The following ITGAL variants were observed in gnomAD, a reference collection of about 807,000 sequenced individuals.
The protein encoded by ITGAL is integrin alpha-L.
ITGAL carries 68 observed loss-of-function variants against 138.4 expected under a neutral mutation model. That is an observed-to-expected ratio of 0.49 (90% confidence interval 0.40 to 0.60). ITGAL has a LOEUF of 0.60. ITGAL is among the 20% of genes least tolerant of loss of function. ITGAL has a pLI of 0.00. For synonymous variants in ITGAL, 561 were observed against 584.3 expected (o/e 0.96, Z 0.57); for missense variants, 1,256 against 1,478.6 (o/e 0.85, Z 2.47).
rs57608894 is a variant in ITGAL, at chr16:30,481,345, TAAAAAAAAAAAAAA to T, written c.577-85_577-72del. 25 of 449,390 alleles carry T rather than the reference TAAAAAAAAAAAAAA, an allele frequency of 5.6e-5. No homozygotes were observed. In the African/African-American group the frequency reaches 8.3e-4, roughly 15 times the overall value. The allele number at this position is 449,390 out of a possible 1,614,324, so 27.8% of individuals were successfully genotyped here. ...TGGGCAACAAGAGCGAAACTCCATC[TAAAAAAAAAAAAAA>T]AAAAAAAAGAAGTAGAGTTTGGAAC... is the stretch of plus-strand genomic sequence containing the variant. On this transcript the variant is annotated intron_variant, in intron 6 of 30. Transcript: ENST00000356798.
rs2151147123 is a variant in ITGAL at position 30,483,887 on chromosome 16, C to T, written c.783C>T (p.Ile261=). ...CAGATGCCACCAAAGTGCTTATCAT[C>T]ATCACGGATGGGGAGGCCACTGACA... The part of the protein sequence containing the change: ...ARPDATKVLI[I]ITDGEATDSG... Residue 261 remains isoleucine (I), a synonymous_variant, in exon 8 of 31, where the codon ATC becomes ATT. Coordinates refer to ENST00000356798, the MANE Select transcript of ITGAL (RefSeq NM_002209.3). 3.1e-6 allele frequency: 5 copies of T among 1,614,116 alleles called. No individual in the cohort carries two copies. The East Asian group carries it at 8.9e-5, about 29-fold the overall frequency.
chr16:30,480,332 C>G (rs2151144740), intron 6 of ITGAL, among the ~76,000 whole-genome samples: 1 of 152,268 alleles, frequency 6.6e-6, no homozygotes, highest in East Asian at 1.9e-4. Flanking sequence ...CCACATAGAC[C>G]TATGGAAAGC....
intron 17 of ITGAL, among the ~76,000 whole-genome samples, chr16:30,499,733 A>ATGTGTATATATATATATATATATATT: frequency 3.5e-4 from 31 of 88,362 alleles, no homozygotes; most frequent in South Asian, 2.9e-3. Context: ...ATATATATAT[A>ATGTGTATATATATATATATATATATT]TTTTTTTTTT....
rs780099281 is a variant in ITGAL at position 30,479,116 on chromosome 16, C to T, written c.353C>T (p.Thr118Met). 9.9e-6 allele frequency: 16 copies of T among 1,613,922 alleles called. No homozygotes were observed. The highest frequency in any genetic ancestry group is 2.2e-5 in the East Asian group (1 of 44,880). ...ILACDPGLSR[T>M]CDQNTYLSGL... ...GCCTGTGACCCTGGGCTGTCTCGAA[C>T]GTGTGACCAGAACACCTATCTGAGT... Residue 118 changes from threonine (T) to methionine (M), a missense_variant, in exon 5 of 31, where the codon ACG becomes ATG. Around this residue, in one of 3 missense-constraint regions of ITGAL, gnomAD observed 212 missense variants for 217.4 expected, o/e 0.98. Coordinates refer to ENST00000356798, the MANE Select transcript of ITGAL (RefSeq NM_002209.3).
rs189457850 is a variant in ITGAL, at chr16:30,505,221, C to T, written c.2236-23C>T. ...CTCAGTTAATCTCTCCTCTCTCCAT[C>T]CTGCCCACTACCCCTCGCTCAGCAG... On this transcript the variant is annotated intron_variant, in intron 18 of 30. Coordinates refer to ENST00000356798, the MANE Select transcript of ITGAL (RefSeq NM_002209.3). 116 of 1,565,976 alleles carry T rather than the reference C, an allele frequency of 7.4e-5. 1 individual carries two copies. In the East Asian group the frequency reaches 1.3e-3, roughly 18 times the overall value.
intron 17 of ITGAL, among the ~76,000 whole-genome samples, chr16:30,500,306 G>A (rs1369430442): frequency 1.3e-5 from 2 of 150,660 alleles, no homozygotes; most frequent in African/African-American, 4.9e-5. Flanking sequence ...GGCTGGTCTC[G>A]AACTCCTGAC....
intron 21 of ITGAL, among the ~76,000 whole-genome samples, chr16:30,507,785 C>T (rs1348717692): frequency 1.3e-5 from 2 of 152,046 alleles, no homozygotes; most frequent in African/African-American, 2.4e-5. Flanking sequence ...GTGTGCCCGG[C>T]CAAATTTCCT....
chr16:30,512,761 C>T (rs2051108146), intron 24 of ITGAL, among the ~76,000 whole-genome samples: 1 of 151,936 alleles, frequency 6.6e-6, no homozygotes, highest in Admixed American at 6.6e-5. Context: ...AGTGCAGTTG[C>T]ACAATCTCGG....
At chr16:30,490,418 C>A (rs771019183) in intron 11 of ITGAL, among the ~76,000 whole-genome samples, 11 of 152,070 alleles carry the variant, frequency 7.2e-5, no homozygotes, top group African/African-American at 2.7e-4. Flanking sequence ...ATTATTCAAA[C>A]TGTGCAATCC....
Position 30,494,978 on chromosome 16 carries a change from T to C in ITGAL, c.1503+128T>C. On this transcript the variant is annotated intron_variant, in intron 13 of 30. Transcript: ENST00000356798. The surrounding 1 kb of genome is among the most constrained non-coding windows in gnomAD (Gnocchi z 4.2). ...AACTTTTAGAACGACAGAGAGGCAA[T>C]AGCAAATCCTCACTGGGGAAAGACT... The C allele has an allele frequency of 2.1e-6, 2 of 954,960 alleles. No homozygotes were observed. The highest frequency in any genetic ancestry group is 1.9e-5 in the South Asian group (1 of 52,504). The allele number at this position is 954,960 out of a possible 1,614,324, so 59.2% of individuals were successfully genotyped here.
At chr16:30,505,018 TAAA>T (rs5816509) in intron 18 of ITGAL, 538 of 248,924 alleles carry the variant, frequency 2.2e-3, no homozygotes, top group East Asian at 3.8e-3. Context: ...AAGACAGTCT[TAAA>T]AAAAAAAAAA....
At chr16:30,481,177 CA>C (rs2050552346) in intron 6 of ITGAL, 6 of 382,740 alleles carry the variant, frequency 1.6e-5, no homozygotes, top group African/African-American at 2.2e-5. Flanking sequence ...CACACACACA[CA>C]CACACCACAC....
intron 21 of ITGAL, among the ~76,000 whole-genome samples, chr16:30,507,744 C>T (rs543999223): frequency 6.6e-6 from 1 of 152,166 alleles, no homozygotes; most frequent in African/African-American, 2.4e-5. Flanking sequence ...ACCTCAGCCT[C>T]CCAAAGTGCT....
chr16:30,502,126 G>A (rs976310046), intron 17 of ITGAL, among the ~76,000 whole-genome samples: 4 of 152,166 alleles, frequency 2.6e-5, no homozygotes, highest in Non-Finnish European at 2.9e-5. Flanking sequence ...GGCCGGGCGC[G>A]GTGGCTCACG....
chr16:30,485,484 A>G (rs944511671), intron 9 of ITGAL, among the ~76,000 whole-genome samples: 3 of 152,024 alleles, frequency 2.0e-5, no homozygotes, highest in African/African-American at 7.2e-5. Flanking sequence ...GGCCTCCCAA[A>G]GTGCTGGGAT....
intron 17 of ITGAL, among the ~76,000 whole-genome samples, chr16:30,501,727 GA>G (rs889875880): frequency 1.3e-3 from 204 of 151,326 alleles, no homozygotes; most frequent in Admixed American, 6.2e-3. Context: ...ATGGTACATG[GA>G]AAAAAAAAGT....
intron 13 of ITGAL, among the ~76,000 whole-genome samples, chr16:30,495,343 A>G (rs1454699079): frequency 6.6e-6 from 1 of 152,122 alleles, no homozygotes; most frequent in African/African-American, 2.4e-5. Context: ...TATTCTTAGT[A>G]GAGACCATGT....
chr16:30,486,121 C>G (rs1346076470), intron 9 of ITGAL, among the ~76,000 whole-genome samples: 2 of 152,260 alleles, frequency 1.3e-5, no homozygotes, highest in Non-Finnish European at 2.9e-5. Flanking sequence ...GGGCATTTCC[C>G]CAGGAAGCTT....
At chr16:30,474,536 C>G in intron 2 of ITGAL, 1 of 534,138 alleles carries the variant, frequency 1.9e-6, no homozygotes, top group African/African-American at 1.9e-5. Flanking sequence ...ATCCCAGCCC[C>G]AAAACACTTC....
Sources: gnomAD v4.1 joint callset for allele counts (sites outside exome capture counted in the v4.1 genomes callset) on GRCh38, gnomAD v4.1.1 for gene constraint, gnomAD v4.1.1 regional missense constraint, Gnocchi (gnomAD v3.1) non-coding constraint, MANE v1.5 for transcripts, NCBI Gene and HGNC (gene_info 2026-07-23, HGNC 2026-07-21) for gene names.